MID1: variants seen among roughly 807,000 people sequenced by gnomAD.
MID1 encodes midline 1, also known as E3 ubiquitin-protein ligase Midline-1.
MID1 carries 7 observed loss-of-function variants against 40.4 expected under a neutral mutation model. The ratio of observed to expected loss-of-function variants is 0.17; its 90% confidence interval spans 0.10 to 0.33. MID1 has a LOEUF of 0.33. MID1 is among the 10% of genes least tolerant of loss of function. The pLI, the probability that MID1 is intolerant of heterozygous loss-of-function variation, is 1.00. For synonymous variants in MID1, 229 were observed against 221.2 expected, an observed-to-expected ratio of 1.04 and a Z score of -0.31; for missense variants, 367 against 558.5, an observed-to-expected ratio of 0.66 and a Z score of 3.46.
rs761372701 is a variant in MID1 at position 10,449,366 on chromosome X, G to A, written c.*2C>T. The A allele has an allele frequency of 6.6e-6, 8 of 1,204,189 alleles. No homozygotes were observed. Among genetic ancestry groups the A allele is most frequent in the Middle Eastern group, 2.5e-4 (1 of 4,014 alleles). ...AGAAAGCAGCTCCATGTGGCCAGAC[G>A]CTCACGGCAGCTGCTCTGTGCAGTC... On this transcript the variant is annotated 3_prime_UTR_variant, in exon 10 of 10. Coordinates refer to ENST00000317552, the MANE Select transcript of MID1 (RefSeq NM_000381.4).
At position 10,662,900 on chromosome X, in the gene MID1, T is replaced by C. The variant is rs1220616895; in HGVS notation, c.-186-42481A>G. On this transcript the variant is annotated intron_variant, in intron 1 of 10. Coordinates refer to the MID1 transcript ENST00000380785. The stretch of plus-strand genomic sequence containing the variant: ...CCACATCCTTGCTCAGAGTACTTCA[T>C]TCTGGCCCACAATCTCTAAAGCTAC... Among the ~76,000 whole-genome samples the C allele has an allele frequency of 3.6e-5, 4 of 111,585 alleles. No homozygotes were observed. In the Admixed American group the frequency reaches 3.8e-4, roughly 11 times the overall value.
chrX:10,513,519 C>A (rs187670784), intron 3 of MID1, among the ~76,000 whole-genome samples: 211 of 111,936 alleles, frequency 1.9e-3, no homozygotes, highest in African/African-American at 6.5e-3. Flanking sequence ...TTTTATTTTA[C>A]TTTATTTGAG....
chrX:10,757,922 T>C (rs1215850179), intron 1 of MID1, among the ~76,000 whole-genome samples: 2 of 110,910 alleles, frequency 1.8e-5, no homozygotes, highest in East Asian at 2.8e-4. Context: ...TTTTAAACCA[T>C]ATTAATGTAC....
At chrX:10,828,518 G>A (rs1377801669) in intron 1 of MID1, among the ~76,000 whole-genome samples, 1 of 111,369 alleles carries the variant, frequency 9.0e-6, no homozygotes, top group Non-Finnish European at 1.9e-5. Flanking sequence ...TATAAAATAC[G>A]GTACTTTTGA....
chrX:10,725,307 G>C (rs1023681123), intron 1 of MID1, among the ~76,000 whole-genome samples: 1 of 111,152 alleles, frequency 9.0e-6, no homozygotes, highest in Non-Finnish European at 1.9e-5. Context: ...ATTTCCCCAA[G>C]GGCTTTCCCA....
chrX:10,459,555 A>G, intron 8 of MID1, 91 bp downstream of exon 8: 1 of 1,017,602 alleles, frequency 9.8e-7, no homozygotes, highest in Non-Finnish European at 1.4e-6. Flanking sequence ...AATGATACCC[A>G]AGACAGAGAA....
intron 2 of MID1, among the ~76,000 whole-genome samples, chrX:10,534,097 T>C (rs1190123150): frequency 9.0e-6 from 1 of 111,036 alleles, no homozygotes; most frequent in African/African-American, 3.3e-5. Context: ...AATCCCCTGA[T>C]ACTGATGGAT....
At chrX:10,469,547 G>A in intron 7 of MID1, 150 bp downstream of exon 7, 1 of 1,200,356 alleles carries the variant, frequency 8.3e-7, no homozygotes, top group South Asian at 1.8e-5. Flanking sequence ...GTACAAGTGA[G>A]TGCTATCACT....
chrX:10,457,258 GACATACTGCCTCAA>G (rs1928737945), intron 8 of MID1, among the ~76,000 whole-genome samples: 1 of 111,282 alleles, frequency 9.0e-6, no homozygotes, highest in African/African-American at 3.3e-5. Context: ...TTGTGATGGT[GACATACTGCCTCAA>G]ACATCCTGCC....
At chrX:10,475,223 A>G in intron 5 of MID1, 1 of 331,745 alleles carries the variant, frequency 3.0e-6, no homozygotes, top group Non-Finnish European at 5.9e-6. Flanking sequence ...AATATTAAAA[A>G]AGAATGTTTC....
At chrX:10,502,020 C>T (rs1931571851) in intron 3 of MID1, among the ~76,000 whole-genome samples, 1 of 112,303 alleles carries the variant, frequency 8.9e-6, no homozygotes, top group Admixed American at 9.4e-5. Flanking sequence ...TGTTCTTTAG[C>T]AGTCTGTAAG....
At chrX:10,795,912 A>G (rs1229402316) in intron 1 of MID1, among the ~76,000 whole-genome samples, 1 of 111,871 alleles carries the variant, frequency 8.9e-6, no homozygotes, top group African/African-American at 3.2e-5. Context: ...CCAAGAGCAA[A>G]TCCTCCAAGT....
chrX:10,670,755 A>G (rs2042982784), intron 1 of MID1, among the ~76,000 whole-genome samples: 1 of 112,337 alleles, frequency 8.9e-6, no homozygotes, highest in East Asian at 2.8e-4. Context: ...GTTGTTGGAA[A>G]TGGGAGAATG....
chrX:10,664,683 T>G (rs2042938587), intron 1 of MID1, among the ~76,000 whole-genome samples: 2 of 112,228 alleles, frequency 1.8e-5, no homozygotes, highest in Non-Finnish European at 3.8e-5. Flanking sequence ...CCAAACCATT[T>G]CCAAAGTGAC....
chrX:10,589,738 C>G (rs1423088180), intron 1 of MID1: 1 of 110,520 alleles, frequency 9.0e-6, no homozygotes, highest in African/African-American at 3.3e-5. Context: ...ATCCGCGTCG[C>G]TCCGGCTGGT....
At chrX:10,815,046 G>A (rs1473074395) in intron 1 of MID1, among the ~76,000 whole-genome samples, 3 of 111,565 alleles carry the variant, frequency 2.7e-5, no homozygotes, top group African/African-American at 9.8e-5. Context: ...ATGTCCCTGG[G>A]ATAAATGCCC....
chrX:10,633,643 A>G (rs112808760), intron 1 of MID1, among the ~76,000 whole-genome samples: 15,028 of 109,948 alleles, frequency 0.14, 1,673 homozygotes, highest in African/African-American at 0.37. Context: ...TTGTAGAGGC[A>G]GGGTCTCCCT....
At chrX:10,825,617 A>G (rs1183439441) in intron 1 of MID1, among the ~76,000 whole-genome samples, 2 of 111,625 alleles carry the variant, frequency 1.8e-5, no homozygotes, top group African/African-American at 3.3e-5. Context: ...TGAGAAAAGC[A>G]ATGTAGCTTA....
At chrX:10,699,250 G>A (rs1056649043) in intron 1 of MID1, among the ~76,000 whole-genome samples, 1 of 111,874 alleles carries the variant, frequency 8.9e-6, no homozygotes, top group African/African-American at 3.3e-5. Context: ...CCTGGGAAGG[G>A]GCCACCAAGG....
Sources: gnomAD v4.1 joint callset for allele counts (sites outside exome capture counted in the v4.1 genomes callset) on GRCh38, gnomAD v4.1.1 for gene constraint, MANE v1.5 for transcripts, NCBI Gene and HGNC (gene_info 2026-07-23, HGNC 2026-07-21) for gene names.